Variants in AGPAT4 observed in about 807,000 individuals in gnomAD.
The protein encoded by AGPAT4 is 1-acyl-sn-glycerol-3-phosphate acyltransferase delta.
In AGPAT4, 15 loss-of-function variants were observed where a neutral mutation model predicts 48.0. That is an observed-to-expected ratio of 0.31 (90% CI 0.21 to 0.48). AGPAT4 has a LOEUF of 0.48. Among genes scored for constraint, AGPAT4 ranks in the 20% least tolerant of loss-of-function variants. AGPAT4 has a pLI of 0.99. For synonymous variants in AGPAT4, 178 were observed against 198.7 expected (o/e 0.90, Z 0.88); for missense variants, 314 against 482.5 (o/e 0.65, Z 3.27).
chr6:161,205,626 G>A (rs933499934), intron 2 of AGPAT4, among the ~76,000 whole-genome samples: 9 of 152,018 alleles, frequency 5.9e-5, no homozygotes, highest in South Asian at 2.1e-4. Context: ...AGAAGCAATC[G>A]CACTTTCAGG....
chr6:161,185,155 A>C (rs1780731585), intron 2 of AGPAT4, among the ~76,000 whole-genome samples: 1 of 151,952 alleles, frequency 6.6e-6, no homozygotes, highest in Admixed American at 6.6e-5. Context: ...AAAAAAAAAA[A>C]AAAACAAGAG....
chr6:161,194,660 G>A (rs780183943), intron 2 of AGPAT4, among the ~76,000 whole-genome samples: 1 of 151,606 alleles, frequency 6.6e-6, no homozygotes, highest in African/African-American at 2.4e-5. Flanking sequence ...GTATGTATGT[G>A]TATGTGTGTA....
At position 161,262,528 on chromosome 6, in the gene AGPAT4, T is replaced by C. The variant is rs868592836; in HGVS notation, c.-90+11410A>G. ...TCATAGCAAATAAAACTTGGTTTGC[T>C]TGTCCCTGGGCAAAGTCCCCAGCCT... On this transcript the variant is annotated intron_variant, in intron 1 of 8. Transcript: ENST00000320285. This position sits in a 1 kb window ranked among gnomAD's most constrained non-coding sequence, Gnocchi z 4.9. Among the ~76,000 whole-genome samples the C allele has an allele frequency of 5.9e-5, 9 of 152,294 alleles. No individual in the cohort carries two copies. Among genetic ancestry groups the C allele is most frequent in the Middle Eastern group, 6.8e-3 (2 of 294 alleles).
chr6:161,235,766 C>T lies in AGPAT4; in HGVS notation c.-89-3464G>A, dbSNP rs1480347690. 6.6e-6 allele frequency among the ~76,000 whole-genome samples: 1 copy of T among 151,972 alleles called. No individual in the cohort carries two copies. The highest frequency in any genetic ancestry group is 2.4e-5 in the African/African-American group (1 of 41,308). ...CACACACTTTTAAACAACCAAATCTCAAGAGAACTCACTCATTATACGGTA... is the reference window on the plus strand; with the variant it reads ...CACACACTTTTAAACAACCAAATCTTAAGAGAACTCACTCATTATACGGTA... On this transcript the variant is annotated intron_variant, in intron 1 of 8. Coordinates refer to ENST00000320285, the MANE Select transcript of AGPAT4 (RefSeq NM_020133.3). This position sits in a 1 kb window ranked among gnomAD's most constrained non-coding sequence, Gnocchi z 6.2.
At chr6:161,163,473 C>T (rs1422133143) in intron 3 of AGPAT4, among the ~76,000 whole-genome samples, 2 of 152,128 alleles carry the variant, frequency 1.3e-5, no homozygotes, top group Admixed American at 6.5e-5. Flanking sequence ...CGTTCTTTAC[C>T]CCCTTCCAGG....
At chr6:161,145,648 T>C (rs756218925) in intron 7 of AGPAT4, among the ~76,000 whole-genome samples, 3 of 151,562 alleles carry the variant, frequency 2.0e-5, no homozygotes, top group Admixed American at 6.6e-5. Flanking sequence ...TAGGTAGGGT[T>C]AAAGTTCTTA....
rs534775782 is a variant in AGPAT4, at chr6:161,177,629, G to C, written c.179-11212C>G. 6.6e-6 allele frequency among the ~76,000 whole-genome samples: 1 copy of C among 151,948 alleles called. No individual in the cohort carries two copies. The highest frequency in any genetic ancestry group is 2.1e-4 in the South Asian group (1 of 4,808). On this transcript the variant is annotated intron_variant, in intron 2 of 8. Coordinates refer to ENST00000320285, the MANE Select transcript of AGPAT4 (RefSeq NM_020133.3). This position sits in a 1 kb window ranked among gnomAD's most constrained non-coding sequence, Gnocchi z 5.0. ...TCGGAGAAGTTTGTTATTACTGATC[G>C]TCTGAAGCCTTCTTTTCTCAACATG...
In AGPAT4 at chr6:161,158,631, CAG is replaced by C. The variant is rs375532441; in HGVS notation, c.349-4323_349-4322del. On this transcript the variant is annotated intron_variant, in intron 3 of 8. Coordinates refer to ENST00000320285, the MANE Select transcript of AGPAT4 (RefSeq NM_020133.3). This position sits in a 1 kb window ranked among gnomAD's most constrained non-coding sequence, Gnocchi z 5.3. Reference sequence around the variant, plus strand: ...TCTCTGGCAAGTGGGCCAGCCCTTGCAGAGACCCTGGACGTTGGGAAGAGCTG... The same window carrying C: ...TCTCTGGCAAGTGGGCCAGCCCTTGCAGACCCTGGACGTTGGGAAGAGCTG... 2.1e-3 allele frequency among the ~76,000 whole-genome samples: 314 copies of C among 152,330 alleles called. 1 individual carries two copies. Among genetic ancestry groups the C allele is most frequent in the African/African-American group, 7.2e-3 (301 of 41,592 alleles).
At chr6:161,187,552 T>TATTTATTC (rs979539989) in intron 2 of AGPAT4, among the ~76,000 whole-genome samples, 1 of 145,872 alleles carries the variant, frequency 6.9e-6, no homozygotes, top group African/African-American at 2.5e-5. Context: ...TTTATTTATT[T>TATTTATTC]AGAGACAGGG....
At position 161,226,028 on chromosome 6, in the gene AGPAT4, C is replaced by T. The variant is rs1012135076; in HGVS notation, c.178+6008G>A. Reference sequence around the variant, plus strand: ...TTTTAGGATCATGTCCACCTACAGCCGGTTACTGAACCCTCTTCTGGGAAG... The same window carrying T: ...TTTTAGGATCATGTCCACCTACAGCTGGTTACTGAACCCTCTTCTGGGAAG... On this transcript the variant is annotated intron_variant, in intron 2 of 8. Transcript: ENST00000320285. The surrounding 1 kb of genome is among the most constrained non-coding windows in gnomAD (Gnocchi z 6.3). 1.3e-5 allele frequency among the ~76,000 whole-genome samples: 2 copies of T among 152,162 alleles called. No homozygotes were observed. Among genetic ancestry groups the T allele is most frequent in the African/African-American group, 2.4e-5 (1 of 41,432 alleles).
At chr6:161,187,318 T>C (rs987181197) in intron 2 of AGPAT4, among the ~76,000 whole-genome samples, 7 of 152,184 alleles carry the variant, frequency 4.6e-5, no homozygotes, top group African/African-American at 1.7e-4. Flanking sequence ...CAGCAGGGTC[T>C]TGTCTTGTTC....
In AGPAT4 at chr6:161,232,105, G is replaced by C; in HGVS notation, c.109C>G (p.Leu37Val). 1 of 1,614,134 alleles carries C rather than the reference G, an allele frequency of 6.2e-7. No homozygotes were observed. The highest frequency in any genetic ancestry group is 8.5e-7 in the Non-Finnish European group (1 of 1,180,034). Residue 37 changes from leucine (L) to valine (V), a missense_variant, in exon 2 of 9, where the codon CTC (leucine) becomes GTC (valine). By Grantham distance (32) the Leu-to-Val change is conservative (BLOSUM62 1). Transcript: ENST00000320285. The surrounding 1 kb of genome is among the most constrained non-coding windows in gnomAD (Gnocchi z 6.8). ...IINTIQLFTL[L>V]LWPINKQLFR... ...AGCTGCTTGTTAATGGGCCAGAGGA[G>C]GAGAGTGAAGAGCTGAATGGTGTTG...
chr6:161,211,176 C>T (rs1403678284), intron 2 of AGPAT4, among the ~76,000 whole-genome samples: 2 of 152,038 alleles, frequency 1.3e-5, no homozygotes, highest in African/African-American at 2.4e-5. Flanking sequence ...TCTAGCTAAA[C>T]AAATAAAATA....
chr6:161,138,402 G>C lies in AGPAT4; in HGVS notation c.1042+1020C>G, dbSNP rs12195072. Among the ~76,000 whole-genome samples the C allele has an allele frequency of 0.081, 12,388 of 152,246 alleles. 646 individuals carry two copies. The highest frequency in any genetic ancestry group is 0.13 in the Middle Eastern group (38 of 294). On this transcript the variant is annotated intron_variant, in intron 8 of 8. Coordinates refer to ENST00000320285, the MANE Select transcript of AGPAT4 (RefSeq NM_020133.3). The surrounding 1 kb of genome is among the most constrained non-coding windows in gnomAD (Gnocchi z 4.8). The stretch of plus-strand genomic sequence containing the variant: ...GAGCTAGGTTTATGTGCTGTGACCT[G>C]TTTTGGTGGTTATGATTCATTAGGT...
intron 2 of AGPAT4, among the ~76,000 whole-genome samples, chr6:161,203,424 T>C (rs1292330016): frequency 2.0e-5 from 3 of 147,442 alleles, no homozygotes; most frequent in Non-Finnish European, 3.0e-5. Context: ...GTTTCACTCT[T>C]GTTTTTCAGG....
intron 5 of AGPAT4, among the ~76,000 whole-genome samples, chr6:161,152,895 T>G (rs1256099409): frequency 1.3e-5 from 2 of 152,176 alleles, no homozygotes. Flanking sequence ...AGGCAAGTTG[T>G]TGCTATTTTC....
At position 161,240,170 on chromosome 6, in the gene AGPAT4, C is replaced by T. The variant is rs192868065; in HGVS notation, c.-89-7868G>A. On this transcript the variant is annotated intron_variant, in intron 1 of 8. Transcript: ENST00000320285. This position sits in a 1 kb window ranked among gnomAD's most constrained non-coding sequence, Gnocchi z 5.5. ...ATAATCACAACTCTAAAAAAAAAAC[C>T]GGAAGAAAAGAAAGCCTTACCAAAA... is the stretch of plus-strand genomic sequence containing the variant. Among the ~76,000 whole-genome samples, 53 of 149,216 alleles carry T rather than the reference C, an allele frequency of 3.6e-4. 1 individual carries two copies. Among genetic ancestry groups the T allele is most frequent in the Non-Finnish European group, 3.0e-5 (2 of 67,280 alleles).
chr6:161,145,644 G>A (rs1251017753), intron 7 of AGPAT4, among the ~76,000 whole-genome samples: 1 of 151,574 alleles, frequency 6.6e-6, no homozygotes. Flanking sequence ...AGTGTAGGTA[G>A]GGTTAAAGTT....
Position 161,155,781 on chromosome 6 carries a change from G to A in AGPAT4, c.349-1471C>T, listed in dbSNP as rs1023633105. ...ACTGGTGCGGGTGTGAGGGCTTACCGTGTGCTGTGCCCATGGTATTTTTTA... is the reference window on the plus strand; with the variant it reads ...ACTGGTGCGGGTGTGAGGGCTTACCATGTGCTGTGCCCATGGTATTTTTTA... On this transcript the variant is annotated intron_variant, in intron 3 of 8. Transcript: ENST00000320285. This position sits in a 1 kb window ranked among gnomAD's most constrained non-coding sequence, Gnocchi z 5.8. 2.6e-5 allele frequency among the ~76,000 whole-genome samples: 4 copies of A among 152,238 alleles called. No homozygotes were observed. The highest frequency in any genetic ancestry group is 1.3e-4 in the Admixed American group (2 of 15,286).
Sources: gnomAD v4.1 joint callset for allele counts (sites outside exome capture counted in the v4.1 genomes callset) on GRCh38, gnomAD v4.1.1 for gene constraint, Gnocchi (gnomAD v3.1) non-coding constraint, MANE v1.5 for transcripts, NCBI Gene and HGNC (gene_info 2026-07-23, HGNC 2026-07-21) for gene names.